The following RALYL variants were observed in gnomAD, a reference collection of about 807,000 sequenced individuals.
RALYL encodes RALY RNA binding protein like, also known as RNA-binding Raly-like protein.
In RALYL, 29 loss-of-function variants were observed where a neutral mutation model predicts 35.1. That is an observed-to-expected ratio of 0.83 (90% CI 0.61 to 1.13). RALYL has a LOEUF of 1.13. Ranked by LOEUF, RALYL falls within the 50% of genes most tolerant of loss-of-function variation. The pLI is 0.00. For synonymous variants in RALYL, 120 were observed against 127.6 expected, an observed-to-expected ratio of 0.94 and a Z score of 0.40; for missense variants, 359 against 360.4, an observed-to-expected ratio of 1.00 and a Z score of 0.03.
chr8:84,219,463 G>A (rs187636476), intron 1 of RALYL, among the ~76,000 whole-genome samples: 1 of 152,114 alleles, frequency 6.6e-6, no homozygotes, highest in Non-Finnish European at 1.5e-5. Context: ...GTTCATTATA[G>A]CAGTGTGAAA....
chr8:84,920,290 T>TA (rs916036871), intron 8 of RALYL, among the ~76,000 whole-genome samples: 6 of 152,136 alleles, frequency 3.9e-5, no homozygotes, highest in Non-Finnish European at 8.8e-5. Context: ...AGTCTTGCAT[T>TA]ATTTTGTCTT....
At chr8:84,232,759 T>C (rs935591946) in intron 1 of RALYL, among the ~76,000 whole-genome samples, 3 of 152,090 alleles carry the variant, frequency 2.0e-5, no homozygotes, top group African/African-American at 7.2e-5. Context: ...ATCTGTCAGT[T>C]AAAAAAGCTA....
In RALYL at chr8:84,266,440, A is replaced by C. The variant is rs532595461; in HGVS notation, c.-24+82016A>C. Among the ~76,000 whole-genome samples the C allele has an allele frequency of 1.1e-4, 17 of 152,300 alleles. No individual in the cohort carries two copies. The South Asian group carries it at 2.7e-3, about 24-fold the overall frequency. On this transcript the variant is annotated intron_variant, in intron 1 of 8. Coordinates refer to ENST00000521268, the MANE Select transcript of RALYL (RefSeq NM_173848.7). ...TGAAATCATGTTTCCTTTCTTCCCT[A>C]TGAAATGTAATGTCAGATAGTATTT...
rs1213906139 is a variant in RALYL at position 84,887,628 on chromosome 8, A to G, written c.710A>G (p.Glu237Gly). ...EAEAQKKQLE[E>G]SLVLIQEECV... Reference sequence around the variant, plus strand: ...GAAGCTCAGAAGAAGCAATTGGAAGAGAGTCTAGTGCTGATCCAAGAGGAA... The same window carrying G: ...GAAGCTCAGAAGAAGCAATTGGAAGGGAGTCTAGTGCTGATCCAAGAGGAA... The change falls in exon 8 of 9, where the codon GAG becomes GGG. Residue 237 changes from glutamate (E) to glycine (G), a missense_variant. Transcript: ENST00000521268. 2 of 1,603,484 alleles carry G rather than the reference A, an allele frequency of 1.2e-6. No homozygotes were observed. Among genetic ancestry groups the G allele is most frequent in the Non-Finnish European group, 1.7e-6 (2 of 1,174,490 alleles).
intron 4 of RALYL, among the ~76,000 whole-genome samples, chr8:84,849,645 G>A (rs1012603925): frequency 6.6e-6 from 1 of 151,122 alleles, no homozygotes; most frequent in Non-Finnish European, 1.5e-5. Flanking sequence ...TGCAAGCTCC[G>A]CCTCCCGGGT....
At chr8:84,650,473 G>A (rs2131511177) in intron 2 of RALYL, among the ~76,000 whole-genome samples, 1 of 152,212 alleles carries the variant, frequency 6.6e-6, no homozygotes, top group East Asian at 1.9e-4. Context: ...ATGAAAAAAT[G>A]CTCACCATCA....
chr8:84,795,904 T>C (rs1821802144), intron 3 of RALYL, among the ~76,000 whole-genome samples: 1 of 152,180 alleles, frequency 6.6e-6, no homozygotes, highest in African/African-American at 2.4e-5. Context: ...GACTATCCCA[T>C]CACAGTATCA....
At chr8:84,401,965 T>G (rs1261986428) in intron 1 of RALYL, among the ~76,000 whole-genome samples, 1 of 152,142 alleles carries the variant, frequency 6.6e-6, no homozygotes, top group African/African-American at 2.4e-5. Flanking sequence ...CTTTGTGAAA[T>G]CACTTGTAAC....
chr8:84,662,928 C>A (rs1214022819), intron 2 of RALYL, among the ~76,000 whole-genome samples: 1 of 151,870 alleles, frequency 6.6e-6, no homozygotes, highest in Non-Finnish European at 1.5e-5. Flanking sequence ...ACAGATCATC[C>A]CATCACCTAC....
chr8:84,194,053 G>T (rs1309556171), intron 1 of RALYL, among the ~76,000 whole-genome samples: 1 of 152,172 alleles, frequency 6.6e-6, no homozygotes, highest in Non-Finnish European at 1.5e-5. Flanking sequence ...AGGATGGATA[G>T]GTTTGGTCAG....
intron 2 of RALYL, among the ~76,000 whole-genome samples, chr8:84,773,977 G>A (rs144200579): frequency 0.032 from 4,828 of 152,168 alleles, 142 homozygotes; most frequent in African/African-American, 0.07. Context: ...CCAACACTTC[G>A]GGAGGCTGAG....
At chr8:84,831,240 A>G (rs1830856652) in intron 4 of RALYL, among the ~76,000 whole-genome samples, 1 of 152,210 alleles carries the variant, frequency 6.6e-6, no homozygotes, top group South Asian at 2.1e-4. Flanking sequence ...ATAGGAATCC[A>G]TAAATTTAAA....
At chr8:84,612,998 T>C in intron 2 of RALYL, among the ~76,000 whole-genome samples, 1 of 151,688 alleles carries the variant, frequency 6.6e-6, no homozygotes, top group South Asian at 2.1e-4. Flanking sequence ...TGAAGGTGGT[T>C]GCAAAGTGTG....
intron 1 of RALYL, among the ~76,000 whole-genome samples, chr8:84,341,611 C>G (rs1047436064): frequency 6.6e-6 from 1 of 151,876 alleles, no homozygotes; most frequent in Non-Finnish European, 1.5e-5. Flanking sequence ...AAAAAGTTAA[C>G]CATATATAAA....
intron 1 of RALYL, among the ~76,000 whole-genome samples, chr8:84,251,522 A>C (rs1402865843): frequency 6.6e-6 from 1 of 152,224 alleles, no homozygotes; most frequent in East Asian, 1.9e-4. Flanking sequence ...TTTAGAGTCT[A>C]GAGTCTATTT....
At chr8:84,488,329 T>C (rs2054877813) in intron 1 of RALYL, among the ~76,000 whole-genome samples, 1 of 152,102 alleles carries the variant, frequency 6.6e-6, no homozygotes, top group Admixed American at 6.6e-5. Flanking sequence ...ATCAACTTTT[T>C]GAGGTCTCAA....
intron 1 of RALYL, among the ~76,000 whole-genome samples, chr8:84,335,204 G>A (rs1440075230): frequency 6.6e-6 from 1 of 152,114 alleles, no homozygotes; most frequent in Non-Finnish European, 1.5e-5. Flanking sequence ...CCTCACAAGA[G>A]CTTCTGGTTG....
At chr8:84,258,194 C>A (rs1189794187) in intron 1 of RALYL, among the ~76,000 whole-genome samples, 1 of 152,066 alleles carries the variant, frequency 6.6e-6, no homozygotes. Context: ...TGGTCCTCTT[C>A]CTTTATCTGT....
chr8:84,714,510 T>G (rs1444540624), intron 2 of RALYL, among the ~76,000 whole-genome samples: 8 of 151,424 alleles, frequency 5.3e-5, no homozygotes, highest in Non-Finnish European at 1.2e-4. Flanking sequence ...TATATAATTT[T>G]TATTAATCAA....
Sources: allele counts gnomAD v4.1 joint callset (sites outside exome capture counted in the v4.1 genomes callset), GRCh38; gene constraint gnomAD v4.1.1; transcripts MANE v1.5; gene names NCBI Gene and HGNC (gene_info 2026-07-23, HGNC 2026-07-21).